The following ATP11A variants were observed in gnomAD, a reference collection of about 807,000 sequenced individuals.
ATP11A encodes the protein phospholipid-transporting ATPase IH.
In ATP11A, 81 loss-of-function variants were observed where a neutral mutation model predicts 154.4. That is an observed-to-expected ratio of 0.52 (90% confidence interval 0.44 to 0.63). ATP11A has a LOEUF of 0.63. Ranked by LOEUF, ATP11A falls within the 30% of genes least tolerant of loss-of-function variation. The probability of loss-of-function intolerance (pLI) is 0.00; values close to 1 mark genes in which losing one functional copy is unlikely to be tolerated. For synonymous variants in ATP11A, 623 were observed against 585.9 expected (o/e 1.06, Z -0.91); for missense variants, 1,316 against 1,474.3 (o/e 0.89, Z 1.76).
Position 112,746,097 on chromosome 13 carries a change from T to C in ATP11A, c.40-39038T>C, listed in dbSNP as rs559957194. 2.0e-4 allele frequency: 31 copies of C among 151,534 alleles called. No homozygotes were observed. Among genetic ancestry groups the C allele is most frequent in the African/African-American group, 6.6e-4 (27 of 40,760 alleles). 9.4% of individuals were successfully genotyped at this position (151,534 alleles called of 1,614,324 possible). Reference sequence around the variant, plus strand: ...TTGTCCGTTCACCTGTGATGGACTCTTGGGCGTCTGCCGTAGGCCGCTGTG... The same window carrying C: ...TTGTCCGTTCACCTGTGATGGACTCCTGGGCGTCTGCCGTAGGCCGCTGTG... On this transcript the variant is annotated intron_variant, in intron 1 of 29. Coordinates refer to ENST00000375645, the MANE Select transcript of ATP11A (RefSeq NM_015205.3). The surrounding 1 kb of genome is among the most constrained non-coding windows in gnomAD (Gnocchi z 4.1).
chr13:112,712,564 T>G (rs1201742135), intron 1 of ATP11A, among the ~76,000 whole-genome samples: 2 of 152,070 alleles, frequency 1.3e-5, no homozygotes, highest in African/African-American at 4.8e-5. Flanking sequence ...AAGGACAGGC[T>G]TTTCTCTCTA....
intron 16 of ATP11A, among the ~76,000 whole-genome samples, chr13:112,841,186 C>T (rs2079405398): frequency 6.7e-6 from 1 of 148,594 alleles, no homozygotes; most frequent in South Asian, 2.1e-4. Context: ...TGCGCCCAGG[C>T]ACAAACCAGC....
In ATP11A at chr13:112,823,334, T is replaced by C. The variant is rs758193486; in HGVS notation, c.726-11T>C. On this transcript the variant is annotated splice_polypyrimidine_tract_variant and intron_variant, in intron 8 of 29. Coordinates refer to ENST00000375645, the MANE Select transcript of ATP11A (RefSeq NM_015205.3). ...GTGTCCGCATCATTTCTGATCATCG[T>C]ATCTTTACAGGCCCTTAGGATCGGA... 6 of 1,612,346 alleles carry C rather than the reference T, an allele frequency of 3.7e-6. No homozygotes were observed. The highest frequency in any genetic ancestry group is 1.7e-6 in the Non-Finnish European group (2 of 1,178,618).
Position 112,785,362 on chromosome 13 carries a change from T to C in ATP11A, c.162+105T>C. 1 of 1,272,302 alleles carries C rather than the reference T, an allele frequency of 7.9e-7. No individual in the cohort carries two copies. 78.8% of individuals were successfully genotyped at this position (1,272,302 alleles called of 1,614,324 possible). ...AGAGCGGCTCTGCTCCTGGCCCTGC[T>C]GTCACAGCCACCAGCCACCCCCAGC... On this transcript the variant is annotated intron_variant, in intron 2 of 29. Transcript: ENST00000375645. The surrounding 1 kb of genome is among the most constrained non-coding windows in gnomAD (Gnocchi z 4.8).
chr13:112,807,240 G>A lies in ATP11A; in HGVS notation c.333+947G>A, dbSNP rs891421353. ...GCAACATCTGACACAGGCAGAGATG[G>A]GGACACACAGGGTCCAGTGCAGATG... On this transcript the variant is annotated intron_variant, in intron 4 of 29. Transcript: ENST00000375645. This position sits in a 1 kb window ranked among gnomAD's most constrained non-coding sequence, Gnocchi z 4.5. Among the ~76,000 whole-genome samples the A allele has an allele frequency of 2.2e-4, 33 of 152,254 alleles. No homozygotes were observed. Among genetic ancestry groups the A allele is most frequent in the African/African-American group, 8.0e-4 (33 of 41,474 alleles).
chr13:112,803,531 C>T (rs967548585), intron 2 of ATP11A, among the ~76,000 whole-genome samples: 2 of 152,186 alleles, frequency 1.3e-5, no homozygotes, highest in African/African-American at 2.4e-5. Context: ...AAAAACATGT[C>T]AGATGAAATT....
chr13:112,803,559 A>G (rs1297596870), intron 2 of ATP11A, among the ~76,000 whole-genome samples: 1 of 148,724 alleles, frequency 6.7e-6, no homozygotes, highest in African/African-American at 2.5e-5. Flanking sequence ...CTATTTCCAA[A>G]CTCAGTGAAG....
chr13:112,726,919 TCA>T (rs1407770791), intron 1 of ATP11A, among the ~76,000 whole-genome samples: 1 of 152,190 alleles, frequency 6.6e-6, no homozygotes, highest in African/African-American at 2.4e-5. Context: ...GGGAAAAATC[TCA>T]CAGAAAACTG....
intron 1 of ATP11A, among the ~76,000 whole-genome samples, chr13:112,724,080 T>C (rs1889524076): frequency 6.7e-6 from 1 of 150,248 alleles, no homozygotes; most frequent in African/African-American, 2.5e-5. Context: ...TGCCTGGGTG[T>C]GGACCAGCCC....
chr13:112,865,553 T>TTG (rs2080302936), intron 25 of ATP11A, among the ~76,000 whole-genome samples: 10 of 152,210 alleles, frequency 6.6e-5, no homozygotes, highest in Admixed American at 6.5e-4. Flanking sequence ...TTTTTGTTTT[T>TTG]TTGTTGTTGT....
intron 1 of ATP11A, among the ~76,000 whole-genome samples, chr13:112,758,412 C>CT (rs1241956026): frequency 5.4e-5 from 8 of 148,028 alleles, no homozygotes; most frequent in South Asian, 2.2e-4. Context: ...CTTCACATTT[C>CT]TTTTTTTTTC....
chr13:112,702,141 T>A (rs1461020817), intron 1 of ATP11A, among the ~76,000 whole-genome samples: 1 of 150,156 alleles, frequency 6.7e-6, no homozygotes, highest in African/African-American at 2.4e-5. Flanking sequence ...AGGTCAGGAG[T>A]TCGAGATCAG....
At chr13:112,741,787 A>C (rs1221361830) in intron 1 of ATP11A, among the ~76,000 whole-genome samples, 1 of 151,946 alleles carries the variant, frequency 6.6e-6, no homozygotes, top group East Asian at 1.9e-4. Context: ...CAGGGCCTTT[A>C]ATGTTTTACC....
At chr13:112,713,618 T>G (rs1888015469) in intron 1 of ATP11A, among the ~76,000 whole-genome samples, 1 of 152,200 alleles carries the variant, frequency 6.6e-6, no homozygotes, top group Non-Finnish European at 1.5e-5. Context: ...GTCTGATTCT[T>G]GTTTAATGCC....
intron 2 of ATP11A, among the ~76,000 whole-genome samples, chr13:112,788,698 G>GT (rs2140055282): frequency 6.7e-6 from 1 of 149,548 alleles, no homozygotes; most frequent in East Asian, 2.0e-4. Context: ...GACCCCTGTG[G>GT]AGACCTACTT....
intron 16 of ATP11A, among the ~76,000 whole-genome samples, chr13:112,839,443 C>T (rs2079332601): frequency 6.6e-6 from 1 of 152,086 alleles, no homozygotes; most frequent in Non-Finnish European, 1.5e-5. Flanking sequence ...CTTTCCATGT[C>T]CTTGAGCTGG....
At position 112,797,439 on chromosome 13, in the gene ATP11A, A is replaced by G. The variant is rs188386027; in HGVS notation, c.163-7518A>G. Among the ~76,000 whole-genome samples, 34 of 152,304 alleles carry G rather than the reference A, an allele frequency of 2.2e-4. No individual in the cohort carries two copies. In the East Asian group the frequency reaches 6.0e-3, roughly 27 times the overall value. ...GAAGCTCAGAGATAAATACAAAAGCAGAATAAATTTTTTAAAAAGGGTACA... is the reference window on the plus strand; with the variant it reads ...GAAGCTCAGAGATAAATACAAAAGCGGAATAAATTTTTTAAAAAGGGTACA... On this transcript the variant is annotated intron_variant, in intron 2 of 29. Coordinates refer to ENST00000375645, the MANE Select transcript of ATP11A (RefSeq NM_015205.3).
chr13:112,882,845 C>T lies in ATP11A; in HGVS notation c.*979C>T, dbSNP rs184113908. On this transcript the variant is annotated 3_prime_UTR_variant, in exon 30 of 30. Transcript: ENST00000375645. The surrounding 1 kb of genome is among the most constrained non-coding windows in gnomAD (Gnocchi z 5.1). ...GTGATGAGCAGACATCCTCTGTCCC[C>T]GTGGAGGGGTCAACACCAAGGTGGT... The T allele has an allele frequency of 1.7e-3, 670 of 399,032 alleles. 1 individual carries two copies. Among genetic ancestry groups the T allele is most frequent in the Non-Finnish European group, 2.6e-3 (593 of 226,430 alleles). The allele number at this position is 399,032 out of a possible 1,614,324, so 24.7% of individuals were successfully genotyped here. A position where few individuals can be genotyped will look rare whatever the true frequency, so the allele number is the denominator to read the frequency against.
intron 1 of ATP11A, among the ~76,000 whole-genome samples, chr13:112,698,349 G>C (rs1299696768): frequency 2.0e-5 from 3 of 152,290 alleles, no homozygotes; most frequent in East Asian, 1.9e-4. Flanking sequence ...TTTCTGGTTT[G>C]GTTGAGACTT....
Sources: allele counts gnomAD v4.1 joint callset (sites outside exome capture counted in the v4.1 genomes callset), GRCh38; gene constraint gnomAD v4.1.1; non-coding constraint Gnocchi (gnomAD v3.1); transcripts MANE v1.5; gene names NCBI Gene and HGNC (gene_info 2026-07-23, HGNC 2026-07-21).